The following TLN2 variants were observed in gnomAD, a reference collection of about 807,000 sequenced individuals.
TLN2 encodes the protein talin 2.
TLN2 carries 118 observed loss-of-function variants against 294.7 expected under a neutral mutation model. The ratio of observed to expected loss-of-function variants is 0.40; its 90% CI spans 0.34 to 0.47. The LOEUF is 0.47. Among genes scored for constraint, TLN2 ranks in the 20% least tolerant of loss-of-function variants. The pLI is 0.84. For synonymous variants in TLN2, 1,431 were observed against 1,304.5 expected (o/e 1.10, Z -2.09); for missense variants, 3,083 against 3,282.2 (o/e 0.94, Z 1.48).
At position 62,650,184 on chromosome 15, in the gene TLN2, A is replaced by G. The variant is rs762772995; in HGVS notation, c.234+3A>G. On this transcript the variant is annotated splice_donor_region_variant and intron_variant, in intron 5 of 58. Coordinates refer to ENST00000636159, the MANE Select transcript of TLN2 (RefSeq NM_015059.3). ...ATTACTACATGTTGCGGAATGGGGT[A>G]TGCTGCCAATCCCAGTGCTGTTTCT... The G allele has an allele frequency of 6.2e-7, 1 of 1,614,018 alleles. No individual in the cohort carries two copies. The highest frequency in any genetic ancestry group is 8.5e-7 in the Non-Finnish European group (1 of 1,179,902).
At chr15:62,631,449 CCTTTCTCTTT>C (rs1055802772) in intron 3 of TLN2, among the ~76,000 whole-genome samples, 2 of 151,122 alleles carry the variant, frequency 1.3e-5, no homozygotes, top group African/African-American at 4.8e-5. Context: ...TTTCTTCCTT[CCTTTCTCTTT>C]CTTTCTCTCT....
intron 1 of TLN2, among the ~76,000 whole-genome samples, chr15:62,587,509 A>G (rs1170473021): frequency 6.6e-6 from 1 of 152,240 alleles, no homozygotes; most frequent in Non-Finnish European, 1.5e-5. Context: ...GAAGTATATA[A>G]TGGATATCTT....
chr15:62,776,983 C>T, intron 43 of TLN2, 73 bp downstream of exon 43: 3 of 1,311,798 alleles, frequency 2.3e-6, no homozygotes, highest in Non-Finnish European at 3.0e-6. Flanking sequence ...TTTCTCTAAG[C>T]TGTCAAGGCT....
intron 1 of TLN2, among the ~76,000 whole-genome samples, chr15:62,561,845 A>G (rs563286862): frequency 4.0e-5 from 6 of 151,126 alleles, no homozygotes; most frequent in African/African-American, 7.3e-5. Context: ...TCCCTACCCC[A>G]CTTTTTCTTT....
intron 1 of TLN2, among the ~76,000 whole-genome samples, chr15:62,552,786 T>C (rs900775774): frequency 1.3e-5 from 2 of 152,230 alleles, no homozygotes; most frequent in African/African-American, 4.8e-5. Flanking sequence ...TAAAGCAATA[T>C]TATGTATTGA....
intron 32 of TLN2, among the ~76,000 whole-genome samples, chr15:62,741,391 C>T (rs1342460595): frequency 1.3e-5 from 2 of 152,088 alleles, no homozygotes; most frequent in African/African-American, 2.4e-5. Flanking sequence ...GTGGATAAAA[C>T]AGTATAGTTT....
At chr15:62,422,389 C>T (rs1386924158) in intron 1 of TLN2, among the ~76,000 whole-genome samples, 2 of 152,042 alleles carry the variant, frequency 1.3e-5, no homozygotes, top group Non-Finnish European at 2.9e-5. Context: ...TTCTGTATTC[C>T]CTAAATGGAC....
intron 41 of TLN2, 28 bp downstream of exon 41, chr15:62,766,450 G>A: frequency 6.3e-7 from 1 of 1,578,284 alleles, no homozygotes; most frequent in Non-Finnish European, 8.7e-7. Context: ...GATCCTGCGA[G>A]GGTGTGCGTG....
intron 2 of TLN2, among the ~76,000 whole-genome samples, chr15:62,595,695 TGTG>T (rs2140756877): frequency 6.6e-6 from 1 of 152,234 alleles, no homozygotes; most frequent in Non-Finnish European, 1.5e-5. Flanking sequence ...ATAAAGAAAA[TGTG>T]GTATACATAC....
At chr15:62,629,281 G>A (rs923937458) in intron 3 of TLN2, among the ~76,000 whole-genome samples, 109 of 152,190 alleles carry the variant, frequency 7.2e-4, no homozygotes, top group African/African-American at 2.6e-3. Flanking sequence ...TTGTGACCTT[G>A]GATGGAGTAA....
At chr15:62,545,514 T>TGTGTGTGTGTGTGTGTG (rs2041944734) in intron 1 of TLN2, among the ~76,000 whole-genome samples, 7 of 145,944 alleles carry the variant, frequency 4.8e-5, no homozygotes, top group African/African-American at 1.8e-4. Context: ...TTCTTTCTCT[T>TGTGTGTGTGTGTGTGTG]TGTGTGTGTG....
At chr15:62,781,499 G>GAGGAGCA (rs1185047157) in intron 44 of TLN2, among the ~76,000 whole-genome samples, 1 of 152,234 alleles carries the variant, frequency 6.6e-6, no homozygotes, top group Non-Finnish European at 1.5e-5. Context: ...CATGAGGACA[G>GAGGAGCA]AGGAGCAAAG....
chr15:62,542,881 A>T, intron 1 of TLN2, among the ~76,000 whole-genome samples: 1 of 152,070 alleles, frequency 6.6e-6, no homozygotes, highest in Non-Finnish European at 1.5e-5. Context: ...ACCCAGGATT[A>T]CAAGCAGAAG....
At chr15:62,705,671 C>A (rs2059015180) in intron 19 of TLN2, among the ~76,000 whole-genome samples, 1 of 152,144 alleles carries the variant, frequency 6.6e-6, no homozygotes, top group Non-Finnish European at 1.5e-5. Context: ...TTTTAAAAAT[C>A]TTTTTAATAA....
intron 1 of TLN2, among the ~76,000 whole-genome samples, chr15:62,491,351 T>TATACACACAC (rs1195221221): frequency 2.0e-5 from 2 of 100,296 alleles, no homozygotes; most frequent in Non-Finnish European, 3.6e-5. Context: ...TATATATATA[T>TATACACACAC]ACACACACAC....
rs937503395 is a variant in TLN2, at chr15:62,841,909, G to A, written c.*1299G>A. ...AGAATTCATAGTGGGGAAGGTAAAA[G>A]TTAATGGAAGTACATGATTTTCAAA... On this transcript the variant is annotated 3_prime_UTR_variant, in exon 59 of 59. Coordinates refer to ENST00000636159, the MANE Select transcript of TLN2 (RefSeq NM_015059.3). 1 of 152,104 alleles carries A rather than the reference G, an allele frequency of 6.6e-6. No individual in the cohort carries two copies. The highest frequency in any genetic ancestry group is 2.4e-5 in the African/African-American group (1 of 41,398). 9.4% of individuals were successfully genotyped at this position (152,104 alleles called of 1,614,324 possible). A position where few individuals can be genotyped will look rare whatever the true frequency, so the allele number is the denominator to read the frequency against.
At chr15:62,486,233 C>T (rs2038384734) in intron 1 of TLN2, among the ~76,000 whole-genome samples, 2 of 152,152 alleles carry the variant, frequency 1.3e-5, no homozygotes, top group African/African-American at 2.4e-5. Context: ...CCTGTCCTTG[C>T]TGGCAGACAT....
intron 22 of TLN2, among the ~76,000 whole-genome samples, chr15:62,712,629 C>G (rs2059495143): frequency 6.6e-6 from 1 of 152,210 alleles, no homozygotes; most frequent in Non-Finnish European, 1.5e-5. Flanking sequence ...TCTGAACCAG[C>G]GGTCTGATAC....
At chr15:62,743,823 C>T (rs1392941071) in intron 32 of TLN2, among the ~76,000 whole-genome samples, 2 of 152,172 alleles carry the variant, frequency 1.3e-5, no homozygotes, top group Non-Finnish European at 2.9e-5. Context: ...TTTAAGCCCA[C>T]AGCGGCCAGC....
Sources: allele counts gnomAD v4.1 joint callset (sites outside exome capture counted in the v4.1 genomes callset), GRCh38; gene constraint gnomAD v4.1.1; transcripts MANE v1.5; gene names NCBI Gene and HGNC (gene_info 2026-07-23, HGNC 2026-07-21).